The following CLNK variants were observed in gnomAD, a reference collection of about 807,000 sequenced individuals.
CLNK encodes cytokine-dependent hematopoietic cell linker.
Under a neutral mutation model 68.6 loss-of-function variants are expected in CLNK, and 74 were observed. The ratio of observed to expected loss-of-function variants is 1.08; its 90% CI spans 0.89 to 1.31. CLNK has a LOEUF of 1.31. CLNK is among the 50% of genes most tolerant of loss of function. The pLI, the probability that CLNK is intolerant of heterozygous loss-of-function variation, is 0.00. For synonymous variants in CLNK, 198 were observed against 172.2 expected, an observed-to-expected ratio of 1.15 and a Z score of -1.17; for missense variants, 553 against 515.3, an observed-to-expected ratio of 1.07 and a Z score of -0.71.
chr4:10,653,896 T>C (rs369858514), intron 2 of CLNK, among the ~76,000 whole-genome samples: 3 of 152,178 alleles, frequency 2.0e-5, no homozygotes, highest in African/African-American at 7.2e-5. Flanking sequence ...GAAAAATATC[T>C]AGCAACAAAA....
chr4:10,579,586 G>T (rs984172706), intron 4 of CLNK, among the ~76,000 whole-genome samples: 1 of 152,166 alleles, frequency 6.6e-6, no homozygotes, highest in Non-Finnish European at 1.5e-5. Flanking sequence ...AGAGGAAAAG[G>T]GGTCCTTGGA....
chr4:10,708,527 G>A, the CLNK span, among the ~76,000 whole-genome samples: 4 of 152,196 alleles, frequency 2.6e-5, no homozygotes, highest in African/African-American at 9.6e-5. Context: ...ACAACAGCAT[G>A]TTAGCATATC....
intron 17 of CLNK, 69 bp from the exon 18 acceptor site, chr4:10,501,480 A>G (rs1717049104): frequency 6.7e-7 from 1 of 1,481,936 alleles, no homozygotes; most frequent in African/African-American, 1.4e-5. Context: ...TGGTGGCAAC[A>G]ATGATGTCTG....
intron 2 of CLNK, among the ~76,000 whole-genome samples, chr4:10,665,657 C>A (rs1219722694): frequency 8.3e-6 from 1 of 121,200 alleles, no homozygotes; most frequent in Non-Finnish European, 1.7e-5. Context: ...AGCAAGACTT[C>A]GTCTCAAAAA....
At chr4:10,540,747 C>A (rs1216514229) in intron 10 of CLNK, 143 bp from the exon 11 acceptor site, 1 of 624,836 alleles carries the variant, frequency 1.6e-6, no homozygotes, top group East Asian at 2.8e-5. Context: ...GCGGAGCAGA[C>A]CGATCTGGTC....
chr4:10,611,390 C>G (rs1722011268), intron 2 of CLNK, among the ~76,000 whole-genome samples: 1 of 150,802 alleles, frequency 6.6e-6, no homozygotes, highest in Non-Finnish European at 1.5e-5. Flanking sequence ...CCCACCTATT[C>G]AGGAGGCTGA....
the CLNK span, among the ~76,000 whole-genome samples, chr4:10,711,502 A>G: frequency 6.6e-6 from 1 of 152,232 alleles, no homozygotes; most frequent in Non-Finnish European, 1.5e-5. Context: ...AGTCTTAGAA[A>G]CACATAGTGT....
At chr4:10,676,608 T>C (rs1724886553) in intron 1 of CLNK, among the ~76,000 whole-genome samples, 1 of 152,104 alleles carries the variant, frequency 6.6e-6, no homozygotes, top group African/African-American at 2.4e-5. Context: ...GAATTTATTA[T>C]TCCTGTTGAG....
At chr4:10,508,843 CA>C (rs61437081) in intron 16 of CLNK, among the ~76,000 whole-genome samples, 32,101 of 151,310 alleles carry the variant, frequency 0.21, 3,502 homozygotes, top group East Asian at 0.36. Flanking sequence ...TGTGGTGGCT[CA>C]ATGCCTGTAA....
the CLNK span, among the ~76,000 whole-genome samples, chr4:10,691,131 C>A: frequency 0.26 from 39,413 of 151,792 alleles, 5,825 homozygotes; most frequent in Non-Finnish European, 0.33. Flanking sequence ...ATGAGAAGTT[C>A]CAAGGAAGAA....
At chr4:10,679,022 G>T (rs35784194) in intron 1 of CLNK, among the ~76,000 whole-genome samples, 1 of 152,100 alleles carries the variant, frequency 6.6e-6, no homozygotes, top group Non-Finnish European at 1.5e-5. Flanking sequence ...CTACTTTAAA[G>T]TTCATATGGA....
intron 18 of CLNK, among the ~76,000 whole-genome samples, chr4:10,495,676 A>C (rs749955981): frequency 6.6e-6 from 1 of 152,192 alleles, no homozygotes; most frequent in Admixed American, 6.5e-5. Flanking sequence ...GATCCTGAGA[A>C]GGGGTGCTTA....
intron 2 of CLNK, among the ~76,000 whole-genome samples, chr4:10,617,540 C>T (rs935311771): frequency 7.2e-5 from 11 of 152,310 alleles, no homozygotes; most frequent in African/African-American, 2.2e-4. Context: ...GTACTAGACA[C>T]TTGGTAGTTA....
chr4:10,502,479 C>T (rs1228118015), intron 17 of CLNK, among the ~76,000 whole-genome samples: 2 of 151,994 alleles, frequency 1.3e-5, no homozygotes, highest in Non-Finnish European at 2.9e-5. Flanking sequence ...GGGTCACAGA[C>T]AAACCATGCC....
intron 17 of CLNK, among the ~76,000 whole-genome samples, chr4:10,506,673 G>C (rs570359393): frequency 2.0e-5 from 3 of 152,228 alleles, no homozygotes; most frequent in African/African-American, 7.2e-5. Flanking sequence ...CTTCAAAATA[G>C]TTCCTTGGGT....
At chr4:10,593,105 C>G (rs989730567) in intron 3 of CLNK, among the ~76,000 whole-genome samples, 2 of 152,212 alleles carry the variant, frequency 1.3e-5, no homozygotes, top group Non-Finnish European at 2.9e-5. Context: ...TCCCTGCATC[C>G]TCTGTGAAAG....
chr4:10,671,701 C>T lies in CLNK; in HGVS notation c.-42-3790G>A, dbSNP rs567287072. On this transcript the variant is annotated intron_variant, in intron 1 of 18. Coordinates refer to ENST00000226951, the MANE Select transcript of CLNK (RefSeq NM_052964.4). ...CAAAGACAAGGCAGTGAACACAGAT[C>T]ACCTGTTATATATCCCCCATCTCCC... 7.9e-5 allele frequency among the ~76,000 whole-genome samples: 12 copies of T among 152,258 alleles called. No individual in the cohort carries two copies. In the South Asian group the frequency reaches 1.9e-3, roughly 24 times the overall value.
At chr4:10,636,767 G>T (rs939304943) in intron 2 of CLNK, among the ~76,000 whole-genome samples, 2 of 152,194 alleles carry the variant, frequency 1.3e-5, no homozygotes, top group Non-Finnish European at 2.9e-5. Flanking sequence ...ACTGAATTTG[G>T]AAGGATGGAG....
intron 13 of CLNK, among the ~76,000 whole-genome samples, chr4:10,526,605 A>G (rs1443897437): frequency 6.6e-6 from 1 of 152,134 alleles, no homozygotes; most frequent in Non-Finnish European, 1.5e-5. Flanking sequence ...ACAGCTCGTC[A>G]TGGCGCTTGT....
Sources: gnomAD v4.1 joint callset for allele counts (sites outside exome capture counted in the v4.1 genomes callset) on GRCh38, gnomAD v4.1.1 for gene constraint, MANE v1.5 for transcripts, NCBI Gene and HGNC (gene_info 2026-07-23, HGNC 2026-07-21) for gene names.